ADAMTSL1: variants seen among roughly 807,000 people sequenced by gnomAD.
The protein encoded by ADAMTSL1 is ADAMTS-like protein 1.
A neutral mutation model predicts 201.8 loss-of-function variants in ADAMTSL1; 126 were observed. The observed-to-expected ratio is 0.62, with a 90% CI of 0.54 to 0.72. The LOEUF is 0.72. Ranked by LOEUF, ADAMTSL1 falls within the 30% of genes least tolerant of loss-of-function variation. The pLI is 0.00. For missense variants in ADAMTSL1, 2,679 were observed against 2,277.8 expected (o/e 1.18, Z -3.59); for synonymous variants, 1,121 against 903.4 (o/e 1.24, Z -4.32).
intron 3 of ADAMTSL1, among the ~76,000 whole-genome samples, chr9:18,549,973 A>C (rs1820701619): frequency 6.6e-6 from 1 of 151,980 alleles, no homozygotes; most frequent in Non-Finnish European, 1.5e-5. Context: ...AAAGGCTGAG[A>C]AGCTCTGTTC....
intron 15 of ADAMTSL1, among the ~76,000 whole-genome samples, chr9:18,731,560 G>T (rs956545613): frequency 1.3e-5 from 2 of 152,166 alleles, no homozygotes; most frequent in East Asian, 3.9e-4. Context: ...GAGCTCAGGA[G>T]GTCAAGGCTG....
intron 2 of ADAMTSL1, among the ~76,000 whole-genome samples, chr9:18,420,272 G>C (rs1372630939): frequency 6.6e-6 from 1 of 152,140 alleles, no homozygotes; most frequent in South Asian, 2.1e-4. Flanking sequence ...AGGAGAGTCT[G>C]TTACAGTTAT....
chr9:18,339,976 A>G (rs1000516532), intron 2 of ADAMTSL1, among the ~76,000 whole-genome samples: 1 of 152,054 alleles, frequency 6.6e-6, no homozygotes, highest in Non-Finnish European at 1.5e-5. Flanking sequence ...CCCTTCCCGC[A>G]TTACTAAAAT....
chr9:18,542,371 A>C (rs76844865), intron 3 of ADAMTSL1, among the ~76,000 whole-genome samples: 1 of 152,108 alleles, frequency 6.6e-6, no homozygotes, highest in Non-Finnish European at 1.5e-5. Context: ...ACTCTTCCTC[A>C]TTACCTGTTA....
chr9:18,635,883 G>A (rs769428353), intron 5 of ADAMTSL1, 60 bp from the exon 6 acceptor site: 2 of 1,439,280 alleles, frequency 1.4e-6, no homozygotes, highest in South Asian at 1.2e-5. Context: ...TATTTAGAAG[G>A]CAATCAATAA....
At chr9:18,613,164 A>G (rs1405495673) in intron 4 of ADAMTSL1, among the ~76,000 whole-genome samples, 1 of 152,238 alleles carries the variant, frequency 6.6e-6, no homozygotes, top group East Asian at 1.9e-4. Context: ...ACAATGAGAT[A>G]GCATTTCACA....
chr9:18,792,970 T>C (rs1199423079), intron 19 of ADAMTSL1, among the ~76,000 whole-genome samples: 1 of 152,230 alleles, frequency 6.6e-6, no homozygotes, highest in Non-Finnish European at 1.5e-5. Flanking sequence ...GGATGAGCCA[T>C]AACACAATCT....
chr9:18,714,680 C>G (rs999565863), intron 14 of ADAMTSL1, among the ~76,000 whole-genome samples: 4 of 151,396 alleles, frequency 2.6e-5, no homozygotes, highest in African/African-American at 9.7e-5. Context: ...CAAGGAGGAA[C>G]TGGTACCATT....
chr9:18,673,542 C>T (rs1051307150), intron 9 of ADAMTSL1, among the ~76,000 whole-genome samples: 12 of 152,300 alleles, frequency 7.9e-5, no homozygotes, highest in South Asian at 6.2e-4. Context: ...ATTTCTAAAT[C>T]GGTCCAAAGC....
intron 2 of ADAMTSL1, among the ~76,000 whole-genome samples, chr9:18,368,090 T>A (rs1451976522): frequency 2.6e-5 from 4 of 151,788 alleles, no homozygotes; most frequent in East Asian, 1.9e-4. Flanking sequence ...AATTTTTTTT[T>A]ATTTTTAATA....
intron 4 of ADAMTSL1, among the ~76,000 whole-genome samples, chr9:18,593,392 A>G (rs1824050133): frequency 6.6e-6 from 1 of 151,716 alleles, no homozygotes; most frequent in African/African-American, 2.4e-5. Flanking sequence ...TGTTTTCCTC[A>G]TTTCAATTTC....
intron 1 of ADAMTSL1, among the ~76,000 whole-genome samples, chr9:17,972,245 G>A (rs1005195011): frequency 1.4e-5 from 2 of 138,426 alleles, no homozygotes; most frequent in Non-Finnish European, 3.1e-5. Context: ...CATGTGCCAT[G>A]TTGGTGTGCT....
At chr9:18,571,729 T>C (rs766046960) in intron 3 of ADAMTSL1, among the ~76,000 whole-genome samples, 12 of 151,632 alleles carry the variant, frequency 7.9e-5, no homozygotes, top group Non-Finnish European at 1.5e-4. Context: ...AGTTATAGAG[T>C]TGTTTTAGGG....
intron 2 of ADAMTSL1, among the ~76,000 whole-genome samples, chr9:18,431,291 T>C (rs1819479058): frequency 6.6e-6 from 1 of 152,218 alleles, no homozygotes; most frequent in Non-Finnish European, 1.5e-5. Context: ...TTAGGATGAC[T>C]TTCAAGAGTC....
chr9:18,684,615 G>C, intron 12 of ADAMTSL1, 101 bp from the exon 13 acceptor site: 1 of 1,315,696 alleles, frequency 7.6e-7, no homozygotes. Context: ...ATTCGTGTTG[G>C]TCAACGTAGT....
At chr9:18,226,272 G>A (rs1830431773) in intron 2 of ADAMTSL1, among the ~76,000 whole-genome samples, 1 of 151,956 alleles carries the variant, frequency 6.6e-6, no homozygotes, top group African/African-American at 2.4e-5. Flanking sequence ...ACCCTTCATC[G>A]TAGCAGACCG....
intron 1 of ADAMTSL1, among the ~76,000 whole-genome samples, chr9:17,929,011 G>A (rs1826668164): frequency 6.6e-6 from 1 of 152,106 alleles, no homozygotes; most frequent in African/African-American, 2.4e-5. Flanking sequence ...GGGTGTGTGT[G>A]TGTGTATGCT....
intron 7 of ADAMTSL1, 56 bp downstream of exon 7, chr9:18,639,467 T>C (rs978034178): frequency 3.8e-6 from 6 of 1,576,454 alleles, no homozygotes; most frequent in African/African-American, 1.4e-5. Context: ...ATGTTACTTA[T>C]AATTTCCTGA....
intron 2 of ADAMTSL1, among the ~76,000 whole-genome samples, chr9:18,402,177 C>T (rs1818012173): frequency 6.6e-6 from 1 of 152,174 alleles, no homozygotes; most frequent in Non-Finnish European, 1.5e-5. Flanking sequence ...TCCACACCTG[C>T]TTTGCTCGAT....
Sources: gnomAD v4.1 joint callset for allele counts (sites outside exome capture counted in the v4.1 genomes callset) on GRCh38, gnomAD v4.1.1 for gene constraint, MANE v1.5 for transcripts, NCBI Gene and HGNC (gene_info 2026-07-23, HGNC 2026-07-21) for gene names.